The following PLXDC2 variants were observed in gnomAD, a reference collection of about 807,000 sequenced individuals.
PLXDC2 encodes the protein plexin domain containing 2.
A neutral mutation model predicts 68.9 loss-of-function variants in PLXDC2; 40 were observed. That is an observed-to-expected ratio of 0.58 (90% confidence interval 0.45 to 0.76). PLXDC2 has a LOEUF of 0.76. Among genes scored for constraint, PLXDC2 ranks in the 30% least tolerant of loss-of-function variants. The probability of loss-of-function intolerance (pLI) is 0.00; values close to 1 mark genes in which losing one functional copy is unlikely to be tolerated. For missense variants in PLXDC2, 644 were observed against 661.9 expected, an observed-to-expected ratio of 0.97 and a Z score of 0.30; for synonymous variants, 243 against 234.2, an observed-to-expected ratio of 1.04 and a Z score of -0.34.
intron 1 of PLXDC2, among the ~76,000 whole-genome samples, chr10:19,985,269 T>C (rs1422931678): frequency 1.3e-5 from 2 of 152,244 alleles, no homozygotes; most frequent in Non-Finnish European, 2.9e-5. Flanking sequence ...TTTGATTTTA[T>C]TTGTTAAAAT....
intron 3 of PLXDC2, among the ~76,000 whole-genome samples, chr10:20,060,495 A>C (rs1163528156): frequency 6.6e-6 from 1 of 150,450 alleles, no homozygotes; most frequent in Non-Finnish European, 1.5e-5. Flanking sequence ...TGTTAAAAAA[A>C]AAAAAAAAAA....
chr10:20,001,746 G>GTA (rs779537263), intron 1 of PLXDC2, 29 bp from the exon 2 acceptor site: 3 of 1,595,900 alleles, frequency 1.9e-6, no homozygotes, highest in South Asian at 1.1e-5. Flanking sequence ...ATAATGAGTG[G>GTA]TAACCCATTT....
intron 12 of PLXDC2, among the ~76,000 whole-genome samples, chr10:20,240,631 C>T (rs762726881): frequency 3.5e-5 from 5 of 142,434 alleles, no homozygotes; most frequent in African/African-American, 1.0e-4. Flanking sequence ...TGCTAATATA[C>T]GTTCATCTAA....
chr10:19,987,534 G>C (rs990277244), intron 1 of PLXDC2, among the ~76,000 whole-genome samples: 2 of 149,748 alleles, frequency 1.3e-5, no homozygotes, highest in African/African-American at 4.9e-5. Context: ...TTGATTCTTT[G>C]AGTGTTGATG....
chr10:20,082,072 A>AAAAAAAAAC (rs1564308574), intron 4 of PLXDC2, among the ~76,000 whole-genome samples: 1 of 149,262 alleles, frequency 6.7e-6, no homozygotes, highest in African/African-American at 2.5e-5. Flanking sequence ...ATCAAAAAAA[A>AAAAAAAAAC]AAAACAGGAG....
chr10:20,257,997 C>CTTTTTTTTTTTTTTTTTTTTTTTTTT (rs550997528), intron 13 of PLXDC2, among the ~76,000 whole-genome samples: 2 of 84,326 alleles, frequency 2.4e-5, no homozygotes. Context: ...TTTTTTCTTT[C>CTTTTTTTTTTTTTTTTTTTTTTTTTT]TTTTTTTTTT....
intron 6 of PLXDC2, among the ~76,000 whole-genome samples, chr10:20,159,844 T>C (rs887327625): frequency 1.3e-5 from 2 of 152,212 alleles, no homozygotes; most frequent in African/African-American, 4.8e-5. Context: ...TGACAGATTT[T>C]CTTACTTCCT....
intron 1 of PLXDC2, among the ~76,000 whole-genome samples, chr10:19,903,648 T>C (rs1286198896): frequency 2.0e-5 from 3 of 151,918 alleles, no homozygotes; most frequent in South Asian, 2.1e-4. Context: ...ATTTATCTTT[T>C]ATATTTTTGT....
intron 1 of PLXDC2, among the ~76,000 whole-genome samples, chr10:19,853,541 G>A (rs6482069): frequency 6.6e-6 from 1 of 151,362 alleles, no homozygotes. Flanking sequence ...CAAGTGTGGG[G>A]CACCACCCCC....
In PLXDC2 at chr10:20,284,612, G is replaced by A. The variant is rs549110926; in HGVS notation, c.*4793G>A. 6.6e-6 allele frequency: 1 copy of A among 151,902 alleles called. No homozygotes were observed. The highest frequency in any genetic ancestry group is 2.4e-5 in the African/African-American group (1 of 41,448). The allele number at this position is 151,902 out of a possible 1,614,324, so 9.4% of individuals were successfully genotyped here. The stretch of plus-strand genomic sequence containing the variant: ...TCTAAATAAAAAAAAAGAATCGTGA[G>A]ACATCATGTAATCCAACCTCTTAAT... On this transcript the variant is annotated 3_prime_UTR_variant, in exon 14 of 14. Coordinates refer to ENST00000377252, the MANE Select transcript of PLXDC2 (RefSeq NM_032812.9).
At chr10:19,839,546 T>A (rs546128158) in intron 1 of PLXDC2, among the ~76,000 whole-genome samples, 23 of 152,248 alleles carry the variant, frequency 1.5e-4, no homozygotes, top group Admixed American at 9.8e-4. Context: ...GAATTATTAA[T>A]TCTGTGTACT....
intron 9 of PLXDC2, among the ~76,000 whole-genome samples, chr10:20,192,128 T>C (rs957992309): frequency 1.3e-5 from 2 of 151,960 alleles, no homozygotes; most frequent in African/African-American, 4.8e-5. Flanking sequence ...TAGGAACTGG[T>C]GGAGGCAGGA....
At chr10:20,020,822 A>G (rs1248337481) in intron 2 of PLXDC2, among the ~76,000 whole-genome samples, 2 of 152,144 alleles carry the variant, frequency 1.3e-5, no homozygotes, top group Non-Finnish European at 2.9e-5. Context: ...CTTATACCCA[A>G]GATAATCCTA....
chr10:20,132,571 A>G (rs1402114495), intron 4 of PLXDC2, among the ~76,000 whole-genome samples: 3 of 152,042 alleles, frequency 2.0e-5, no homozygotes, highest in Admixed American at 1.3e-4. Context: ...TGTCCTTTTG[A>G]TGAATTGATA....
intron 1 of PLXDC2, among the ~76,000 whole-genome samples, chr10:19,852,646 A>G (rs1231674679): frequency 6.6e-6 from 1 of 152,074 alleles, no homozygotes; most frequent in Non-Finnish European, 1.5e-5. Flanking sequence ...ATAATTATAT[A>G]ATATGCAAAT....
At chr10:20,141,506 G>A (rs562125261) in intron 4 of PLXDC2, among the ~76,000 whole-genome samples, 1 of 151,952 alleles carries the variant, frequency 6.6e-6, no homozygotes, top group Non-Finnish European at 1.5e-5. Context: ...ATATAAAGAA[G>A]AAAAATAACC....
chr10:20,089,169 CGTGTGT>C (rs34167804), intron 4 of PLXDC2, among the ~76,000 whole-genome samples: 9,419 of 142,572 alleles, frequency 0.066, 316 homozygotes, highest in Admixed American at 0.084. Context: ...CCTGTATATA[CGTGTGT>C]GTGTGTGTGT....
chr10:20,183,710 TG>T (rs1411159193), intron 9 of PLXDC2, among the ~76,000 whole-genome samples: 3 of 152,028 alleles, frequency 2.0e-5, no homozygotes, highest in African/African-American at 7.2e-5. Context: ...CACCTATGGT[TG>T]GACTGAATTA....
chr10:20,159,228 T>A (rs7090833), intron 6 of PLXDC2, among the ~76,000 whole-genome samples: 45,691 of 152,118 alleles, frequency 0.3, 7,475 homozygotes, highest in East Asian at 0.51. Context: ...ACACTTCTCA[T>A]AGACCGTGAA....
Sources: gnomAD v4.1 joint callset for allele counts (sites outside exome capture counted in the v4.1 genomes callset) on GRCh38, gnomAD v4.1.1 for gene constraint, MANE v1.5 for transcripts, NCBI Gene and HGNC (gene_info 2026-07-23, HGNC 2026-07-21) for gene names.